HDC: variants seen among roughly 807,000 people sequenced by gnomAD.
HDC encodes histidine decarboxylase.
Under a neutral mutation model 64.4 loss-of-function variants are expected in HDC, and 27 were observed. The observed-to-expected ratio is 0.42, with a 90% CI of 0.31 to 0.58. The LOEUF is 0.58. Among genes scored for constraint, HDC ranks in the 20% least tolerant of loss-of-function variants. The pLI is 0.16. For missense variants in HDC, 711 were observed against 833.9 expected (o/e 0.85, Z 1.81); for synonymous variants, 305 against 314.2 (o/e 0.97, Z 0.31).
chr15:50,253,878 TA>T, intron 6 of HDC: 1 of 641,924 alleles, frequency 1.6e-6, no homozygotes, highest in South Asian at 1.9e-5. Context: ...AAAAGTTTCA[TA>T]AAACAATACA....
At position 50,265,529 on chromosome 15, in the gene HDC, C is replaced by T; in HGVS notation, c.31+64G>A. 6.8e-7 allele frequency: 1 copy of T among 1,475,866 alleles called. No individual in the cohort carries two copies. Among genetic ancestry groups the T allele is most frequent in the Non-Finnish European group, 9.5e-7 (1 of 1,054,450 alleles). 91.4% of individuals were successfully genotyped at this position (1,475,866 alleles called of 1,614,324 possible). On this transcript the variant is annotated intron_variant, in intron 1 of 11. Transcript: ENST00000267845. Reference sequence around the variant, plus strand: ...TGTCACCCCAGAATCTAAGGGCCACCCACCAGCAGCCGTTCCTGCAGGAGT... The same window carrying T: ...TGTCACCCCAGAATCTAAGGGCCACTCACCAGCAGCCGTTCCTGCAGGAGT...
At chr15:50,260,673 G>C (rs373481890) in intron 2 of HDC, among the ~76,000 whole-genome samples, 18 of 152,228 alleles carry the variant, frequency 1.2e-4, no homozygotes, top group East Asian at 1.2e-3. Context: ...AGGACCCTAT[G>C]GGGTAGGACC....
chr15:50,261,341 C>G (rs1253862403), intron 2 of HDC, among the ~76,000 whole-genome samples: 1 of 152,156 alleles, frequency 6.6e-6, no homozygotes, highest in African/African-American at 2.4e-5. Context: ...ACAGTTAGCC[C>G]CTCAGCAGAT....
intron 10 of HDC, among the ~76,000 whole-genome samples, chr15:50,246,847 A>C (rs1417548573): frequency 6.6e-6 from 1 of 152,252 alleles, no homozygotes; most frequent in East Asian, 1.9e-4. Flanking sequence ...GAAACAGCAC[A>C]AAGTGCCTAA....
rs2045724855 is a variant in HDC, at chr15:50,263,103, G to A, written c.204+132C>T. On this transcript the variant is annotated intron_variant, in intron 2 of 11. Transcript: ENST00000267845. The stretch of plus-strand genomic sequence containing the variant: ...TCCACATGCCTAGCAGATGGGCTGG[G>A]GTGTTGGTGGCCAAGTGGCTGAAGG... The A allele has an allele frequency of 3.4e-6, 3 of 874,112 alleles. No individual in the cohort carries two copies. In the Admixed American group the frequency reaches 5.1e-5, roughly 15 times the overall value. 54.1% of individuals were successfully genotyped at this position (874,112 alleles called of 1,614,324 possible).
intron 10 of HDC, among the ~76,000 whole-genome samples, chr15:50,243,735 G>T (rs1383219337): frequency 6.6e-6 from 1 of 152,212 alleles, no homozygotes; most frequent in African/African-American, 2.4e-5. Context: ...AAGCCTACAT[G>T]CTTCACTTGC....
chr15:50,260,663 A>C (rs2045690450), intron 2 of HDC, among the ~76,000 whole-genome samples: 1 of 152,120 alleles, frequency 6.6e-6, no homozygotes, highest in South Asian at 2.1e-4. Context: ...TACTTCTCAC[A>C]GGACCCTATG....
rs1398757795 is a variant in HDC, at chr15:50,252,497, T to G, written c.974A>C (p.Gln325Pro). Residue 325 changes from glutamine (Q) to proline (P), a missense_variant, in exon 9 of 12, where the codon CAG (glutamine) becomes CCG (proline). This residue lies in a region of HDC where 483 missense variants were observed against 540.9 expected (regional missense o/e 0.89). Transcript: ENST00000267845. Reference sequence around the variant, plus strand: ...GATGGGATTCACACTGAAGGTCTGCTGCAGCTTGTACTTGTCCTTGACCCT... The same window carrying G: ...GATGGGATTCACACTGAAGGTCTGCGGCAGCTTGTACTTGTCCTTGACCCT... ...GFWVKDKYKL[Q>P]QTFSVNPIYL... 1 of 1,614,118 alleles carries G rather than the reference T, an allele frequency of 6.2e-7. No individual in the cohort carries two copies. Among genetic ancestry groups the G allele is most frequent in the Non-Finnish European group, 8.5e-7 (1 of 1,180,048 alleles).
At chr15:50,261,065 T>C (rs1487875336) in intron 2 of HDC, among the ~76,000 whole-genome samples, 1 of 152,050 alleles carries the variant, frequency 6.6e-6, no homozygotes, top group African/African-American at 2.4e-5. Flanking sequence ...GATTTGACCA[T>C]CATTATCACT....
chr15:50,256,215 T>C (rs1204530463), intron 4 of HDC, among the ~76,000 whole-genome samples: 1 of 152,222 alleles, frequency 6.6e-6, no homozygotes, highest in Non-Finnish European at 1.5e-5. Context: ...CCAAATATGA[T>C]ATCTGAAGTT....
chr15:50,242,384 A>G lies in HDC; in HGVS notation c.1865T>C (p.Met622Thr), dbSNP rs781276549. ...GAAGGCACTTTTCTTCAGCATCATCATGTCTTCTGGAAACCTGGAAAAGAT... is the reference window on the plus strand; with the variant it reads ...GAAGGCACTTTTCTTCAGCATCATCGTGTCTTCTGGAAACCTGGAAAAGAT... Reference protein sequence around the residue: ...VRIFSRFPEDMMMLKKSAFKK... With the variant: ...VRIFSRFPEDTMMLKKSAFKK... Residue 622 changes from methionine (M) to threonine (T), a missense_variant, in exon 12 of 12, where the codon ATG becomes ACG. Physicochemically the swap from Met to Thr is moderately conservative, Grantham distance 81 (BLOSUM62 -1). This residue lies in a region of HDC where 483 missense variants were observed against 540.9 expected (regional missense o/e 0.89). Transcript: ENST00000267845. The G allele has an allele frequency of 3.1e-6, 5 of 1,614,120 alleles. No homozygotes were observed. In the South Asian group the frequency reaches 4.4e-5, roughly 14 times the overall value.
chr15:50,243,539 G>A lies in HDC; in HGVS notation c.1141-295C>T, dbSNP rs192070128. On this transcript the variant is annotated intron_variant, in intron 10 of 11. Coordinates refer to ENST00000267845, the MANE Select transcript of HDC (RefSeq NM_002112.4). ...ATGTGCTTTGCAGTCCAGGCAACCC[G>A]GCCTCAACTCCTGATTTCACAGCTC... Among the ~76,000 whole-genome samples the A allele has an allele frequency of 4.4e-3, 673 of 152,274 alleles. 4 individuals carry two copies. The highest frequency in any genetic ancestry group is 1.0e-2 in the African/African-American group (415 of 41,548).
At chr15:50,253,027 C>A (rs1004496362) in intron 7 of HDC, 9 of 552,870 alleles carry the variant, frequency 1.6e-5, no homozygotes, top group South Asian at 1.6e-4. Context: ...AGGGCCAGCA[C>A]CCTCTTGGCC....
intron 10 of HDC, 134 bp from the exon 11 acceptor site, chr15:50,243,378 T>C (rs1315424411): frequency 4.2e-6 from 3 of 717,074 alleles, no homozygotes; most frequent in African/African-American, 1.8e-5. Flanking sequence ...TTCTGCCTCA[T>C]TGTCATCTCC....
chr15:50,261,728 A>T (rs574321694), intron 2 of HDC, among the ~76,000 whole-genome samples: 80 of 116,596 alleles, frequency 6.9e-4, no homozygotes, highest in Non-Finnish European at 1.3e-3. Context: ...TTTTTTTTTG[A>T]GATGGAGTTT....
Position 50,254,681 on chromosome 15 carries a change from T to A in HDC, c.442-17A>T, listed in dbSNP as rs778492482. On this transcript the variant is annotated splice_polypyrimidine_tract_variant and intron_variant, in intron 4 of 11. Transcript: ENST00000267845. The stretch of plus-strand genomic sequence containing the variant: ...GACCGTGCTCTGCAGGGGAAAAGGA[T>A]TATCATGGCAGCCTTTCTGTATTCT... The A allele has an allele frequency of 6.2e-7, 1 of 1,613,536 alleles. No homozygotes were observed. Among genetic ancestry groups the A allele is most frequent in the South Asian group, 1.1e-5 (1 of 91,056 alleles).
intron 10 of HDC, among the ~76,000 whole-genome samples, chr15:50,246,731 T>G (rs2045487284): frequency 6.6e-6 from 1 of 152,156 alleles, no homozygotes; most frequent in Non-Finnish European, 1.5e-5. Flanking sequence ...ATCTGCACAT[T>G]GAATATCCAG....
In HDC at chr15:50,242,106, T is replaced by A; in HGVS notation, c.*154A>T. ...TAAACTCTTCGTTTGTATCCTATTG[T>A]GGGTCATGAACCCCTATGAGAATTT... On this transcript the variant is annotated 3_prime_UTR_variant, in exon 12 of 12. Transcript: ENST00000267845. 1 of 729,800 alleles carries A rather than the reference T, an allele frequency of 1.4e-6. No homozygotes were observed. Among genetic ancestry groups the A allele is most frequent in the Middle Eastern group, 3.9e-4 (1 of 2,576 alleles). 45.2% of individuals were successfully genotyped at this position (729,800 alleles called of 1,614,324 possible). A position where few individuals can be genotyped will look rare whatever the true frequency, so the allele number is the denominator to read the frequency against.
intron 2 of HDC, among the ~76,000 whole-genome samples, chr15:50,260,602 A>G (rs540628890): frequency 8.5e-4 from 129 of 152,330 alleles, no homozygotes; most frequent in African/African-American, 3.1e-3. Flanking sequence ...ACCATGTAAG[A>G]GTCATGATCG....
Sources: gnomAD v4.1 joint callset for allele counts (sites outside exome capture counted in the v4.1 genomes callset) on GRCh38, gnomAD v4.1.1 for gene constraint, gnomAD v4.1.1 regional missense constraint, MANE v1.5 for transcripts, NCBI Gene and HGNC (gene_info 2026-07-23, HGNC 2026-07-21) for gene names.